The following ABTB3 variants were observed in gnomAD, a reference collection of about 807,000 sequenced individuals.
ABTB3 encodes the protein ankyrin repeat- and BTB/POZ domain-containing protein 3.
the ABTB3 span, among the ~76,000 whole-genome samples, chr12:107,364,102 T>G: frequency 2.0e-5 from 3 of 152,146 alleles, no homozygotes; most frequent in African/African-American, 7.2e-5. Context: ...TGTGTACTTG[T>G]CACTCATGCA....
chr12:107,607,587 C>T, the ABTB3 span, among the ~76,000 whole-genome samples: 1 of 152,188 alleles, frequency 6.6e-6, no homozygotes, highest in African/African-American at 2.4e-5. Flanking sequence ...CCCTTGGAGG[C>T]CTGGCCTGAC....
At chr12:107,546,540 A>G in the ABTB3 span, among the ~76,000 whole-genome samples, 3 of 152,114 alleles carry the variant, frequency 2.0e-5, no homozygotes, top group African/African-American at 7.2e-5. Context: ...ATGGCTCAGG[A>G]CCCCATCTTT....
chr12:107,555,429 CA>C, the ABTB3 span, among the ~76,000 whole-genome samples: 2 of 152,226 alleles, frequency 1.3e-5, no homozygotes, highest in African/African-American at 4.8e-5. Flanking sequence ...CTCTCTCTCA[CA>C]ACGTGCATGT....
At chr12:107,640,236 C>T in the ABTB3 span, 3 of 834,780 alleles carry the variant, frequency 3.6e-6, no homozygotes, top group Admixed American at 2.6e-5. Flanking sequence ...CTCTTATTTG[C>T]ACTTTCTACA....
chr12:107,395,486 A>G, the ABTB3 span, among the ~76,000 whole-genome samples: 6 of 152,188 alleles, frequency 3.9e-5, no homozygotes, highest in Admixed American at 6.5e-5. Flanking sequence ...ACCCCTATCC[A>G]GTAGCTTCAC....
chr12:107,620,007 C>T, the ABTB3 span: 61 of 1,613,450 alleles, frequency 3.8e-5, no homozygotes, highest in East Asian at 2.0e-4. Flanking sequence ...ACTCTGCACA[C>T]GTGGCTGGAG....
chr12:107,644,231 G>A, the ABTB3 span, among the ~76,000 whole-genome samples: 105 of 152,316 alleles, frequency 6.9e-4, 1 homozygote, highest in African/African-American at 2.3e-3. Flanking sequence ...ATGGGAATGT[G>A]CTGAGAGTAA....
the ABTB3 span, among the ~76,000 whole-genome samples, chr12:107,436,766 A>C: frequency 6.6e-6 from 1 of 152,138 alleles, no homozygotes; most frequent in Non-Finnish European, 1.5e-5. Context: ...ACAGCCGAGC[A>C]CCTAGCATGT....
the ABTB3 span, among the ~76,000 whole-genome samples, chr12:107,354,894 A>G: frequency 2.0e-5 from 3 of 152,200 alleles, no homozygotes; most frequent in African/African-American, 7.2e-5. Context: ...TTTGCTTGTG[A>G]TGAATATGAT....
At chr12:107,541,010 G>A in the ABTB3 span, among the ~76,000 whole-genome samples, 1 of 152,094 alleles carries the variant, frequency 6.6e-6, no homozygotes, top group East Asian at 1.9e-4. Context: ...AATAGTAGCT[G>A]CTTGGAATCT....
the ABTB3 span, among the ~76,000 whole-genome samples, chr12:107,528,180 T>G: frequency 6.6e-6 from 1 of 152,190 alleles, no homozygotes; most frequent in South Asian, 2.1e-4. Flanking sequence ...CAGTGGTTTC[T>G]TGGGGGCTCC....
the ABTB3 span, among the ~76,000 whole-genome samples, chr12:107,382,159 G>C: frequency 6.6e-6 from 1 of 152,194 alleles, no homozygotes; most frequent in Admixed American, 6.5e-5. Context: ...AAGGTGATGG[G>C]ACTCCCTCAG....
At chr12:107,335,203 C>T in the ABTB3 span, among the ~76,000 whole-genome samples, 3 of 137,354 alleles carry the variant, frequency 2.2e-5, no homozygotes, top group African/African-American at 8.3e-5. Flanking sequence ...GGGAGGATCA[C>T]TTAAGCCCAG....
chr12:107,402,547 G>A, the ABTB3 span, among the ~76,000 whole-genome samples: 1 of 152,170 alleles, frequency 6.6e-6, no homozygotes, highest in Admixed American at 6.5e-5. Context: ...TTCCAGCCAC[G>A]GCTACTGGCC....
At chr12:107,417,918 G>A in the ABTB3 span, among the ~76,000 whole-genome samples, 4 of 152,248 alleles carry the variant, frequency 2.6e-5, no homozygotes, top group African/African-American at 4.8e-5. Flanking sequence ...GGCCCCACCA[G>A]TAGGGAGAAG....
chr12:107,578,026 G>T, the ABTB3 span, among the ~76,000 whole-genome samples: 2 of 151,702 alleles, frequency 1.3e-5, no homozygotes, highest in Non-Finnish European at 2.9e-5. Context: ...AAAGTATAAA[G>T]AGAATGCAAG....
chr12:107,603,111 C>T, the ABTB3 span, among the ~76,000 whole-genome samples: 1 of 152,206 alleles, frequency 6.6e-6, no homozygotes, highest in South Asian at 2.1e-4. Flanking sequence ...GTCAGGCACT[C>T]AAGAGGGCAC....
chr12:107,350,233 G>A, the ABTB3 span, among the ~76,000 whole-genome samples: 3 of 152,150 alleles, frequency 2.0e-5, no homozygotes, highest in Admixed American at 6.5e-5. Context: ...TATGGAATGT[G>A]CATTTCTCAG....
At chr12:107,614,892 A>G in the ABTB3 span, among the ~76,000 whole-genome samples, 2 of 152,176 alleles carry the variant, frequency 1.3e-5, no homozygotes, top group Non-Finnish European at 2.9e-5. Flanking sequence ...TGTTTGGAGC[A>G]TCCAGCAGTG....
Sources: gnomAD v4.1 joint callset for allele counts (sites outside exome capture counted in the v4.1 genomes callset) on GRCh38, gnomAD v4.1.1 for gene constraint, MANE v1.5 for transcripts, NCBI Gene and HGNC (gene_info 2026-07-23, HGNC 2026-07-21) for gene names.